METTL8: variants seen among roughly 807,000 people sequenced by gnomAD.
METTL8 encodes the protein methyltransferase 8, tRNA N3-cytidine.
Under a neutral mutation model 48.7 loss-of-function variants are expected in METTL8, and 32 were observed. That is an observed-to-expected ratio of 0.66 (90% CI 0.50 to 0.88). METTL8 has a LOEUF of 0.88. Ranked by LOEUF, METTL8 falls within the 40% of genes least tolerant of loss-of-function variation. The pLI, the probability that METTL8 is intolerant of heterozygous loss-of-function variation, is 0.00. For missense variants in METTL8, 464 were observed against 474.4 expected (o/e 0.98, Z 0.20); for synonymous variants, 136 against 157.1 (o/e 0.87, Z 1.01).
At chr2:171,370,049 CAG>C (rs1686152107) in intron 2 of METTL8, among the ~76,000 whole-genome samples, 1 of 146,732 alleles carries the variant, frequency 6.8e-6, no homozygotes, top group African/African-American at 2.5e-5. Context: ...CTGGGCAACA[CAG>C]AGAGACTCCA....
chr2:171,342,195 G>A (rs1021837500), intron 3 of METTL8, among the ~76,000 whole-genome samples: 8 of 152,004 alleles, frequency 5.3e-5, no homozygotes, highest in African/African-American at 1.9e-4. Flanking sequence ...GCCTTGTACC[G>A]TGGATCTCCA....
intron 1 of METTL8, among the ~76,000 whole-genome samples, chr2:171,402,795 G>C (rs1443336252): frequency 1.3e-5 from 2 of 151,908 alleles, no homozygotes; most frequent in Non-Finnish European, 2.9e-5. Flanking sequence ...CATGAGCCTA[G>C]AGCATCTTAT....
rs983630151 is a variant in METTL8, at chr2:171,391,904, G to A, written c.143+139C>T. The A allele has an allele frequency of 5.9e-5, 45 of 764,792 alleles. 1 individual carries two copies. The highest frequency in any genetic ancestry group is 2.0e-4 in the African/African-American group (11 of 56,402). The allele number at this position is 764,792 out of a possible 1,614,324, so 47.4% of individuals were successfully genotyped here. A position where few individuals can be genotyped will look rare whatever the true frequency, so the allele number is the denominator to read the frequency against. On this transcript the variant is annotated intron_variant, in intron 2 of 9. Coordinates refer to ENST00000375258, the MANE Select transcript of METTL8 (RefSeq NM_001321154.2). ...AATCAGCAACACTTAAGTCAGGATC[G>A]GTTACCCTAGCTTTTGGACCTCTAC...
chr2:171,404,052 C>CATATAT (rs60563600), intron 1 of METTL8, among the ~76,000 whole-genome samples: 1,756 of 43,708 alleles, frequency 0.04, 242 homozygotes, highest in Non-Finnish European at 0.048. Flanking sequence ...TATGCTTTCT[C>CATATAT]ATATATATAT....
chr2:171,402,289 C>G (rs960897472), intron 1 of METTL8, among the ~76,000 whole-genome samples: 2 of 152,056 alleles, frequency 1.3e-5, no homozygotes, highest in Non-Finnish European at 2.9e-5. Context: ...CTAAATAATT[C>G]TGGATATGAA....
intron 4 of METTL8, among the ~76,000 whole-genome samples, chr2:171,338,457 G>T (rs1054104591): frequency 6.6e-6 from 1 of 152,022 alleles, no homozygotes; most frequent in Non-Finnish European, 1.5e-5. Context: ...GGCCAACGTG[G>T]CGAAACCCTG....
At chr2:171,417,996 C>T (rs1439649379) in intron 1 of METTL8, among the ~76,000 whole-genome samples, 3 of 152,030 alleles carry the variant, frequency 2.0e-5, no homozygotes, top group South Asian at 2.1e-4. Flanking sequence ...CAGGCTGGAG[C>T]GCAGTGGCGC....
At chr2:171,361,564 G>A (rs539913320) in intron 2 of METTL8, among the ~76,000 whole-genome samples, 1 of 152,224 alleles carries the variant, frequency 6.6e-6, no homozygotes, top group South Asian at 2.1e-4. Context: ...ATCAGGTATT[G>A]TAATAAGCAC....
Position 171,320,475 on chromosome 2 carries a change from A to C in METTL8, c.*3697T>G, listed in dbSNP as rs911188397. On this transcript the variant is annotated 3_prime_UTR_variant, in exon 10 of 10. Coordinates refer to ENST00000375258, the MANE Select transcript of METTL8 (RefSeq NM_001321154.2). ...TATTTAGAACTGAGAGAGACAGTACAATTTACATGTGTGAGAATGTGAGAA... is the reference window on the plus strand; with the variant it reads ...TATTTAGAACTGAGAGAGACAGTACCATTTACATGTGTGAGAATGTGAGAA... The C allele has an allele frequency of 2.0e-5, 3 of 152,222 alleles. No individual in the cohort carries two copies. Among genetic ancestry groups the C allele is most frequent in the African/African-American group, 7.2e-5 (3 of 41,456 alleles). The allele number at this position is 152,222 out of a possible 1,614,324, so 9.4% of individuals were successfully genotyped here.
intron 1 of METTL8, among the ~76,000 whole-genome samples, chr2:171,430,494 A>C (rs1332842576): frequency 3.9e-5 from 6 of 152,008 alleles, no homozygotes. Flanking sequence ...ATATAACAAA[A>C]CTGCACGTTC....
intron 9 of METTL8, 112 bp downstream of exon 9, chr2:171,325,729 T>G (rs1380138643): frequency 1.5e-6 from 1 of 674,182 alleles, no homozygotes; most frequent in Non-Finnish European, 2.6e-6. Context: ...AGACATCTAA[T>G]GCTTAATCAA....
intron 2 of METTL8, chr2:171,375,349 G>GT (rs1686855031): frequency 4.5e-6 from 3 of 662,730 alleles, no homozygotes; most frequent in Non-Finnish European, 8.1e-6. Flanking sequence ...TAGCATAGTG[G>GT]TGAGTAAAAA....
intron 1 of METTL8, among the ~76,000 whole-genome samples, chr2:171,392,739 T>A (rs773568602): frequency 4.6e-5 from 7 of 152,124 alleles, no homozygotes; most frequent in Non-Finnish European, 8.8e-5. Context: ...ATTCTAACAA[T>A]CCTGTATACA....
At chr2:171,392,278 AG>A in intron 1 of METTL8, 81 bp from the exon 2 acceptor site, 1 of 1,179,322 alleles carries the variant, frequency 8.5e-7, no homozygotes, top group Non-Finnish European at 1.2e-6. Flanking sequence ...CTGGTTCTAA[AG>A]GTTTTCAATC....
chr2:171,356,952 A>AT lies in METTL8; in HGVS notation c.235+3469dup, dbSNP rs763021449. Among the ~76,000 whole-genome samples, 7 of 78,488 alleles carry AT rather than the reference A, an allele frequency of 8.9e-5. 1 individual carries two copies. Among genetic ancestry groups the AT allele is most frequent in the African/African-American group, 3.1e-4 (7 of 22,476 alleles). 51.5% of individuals were successfully genotyped at this position (78,488 alleles called of 152,430 possible). On this transcript the variant is annotated intron_variant, in intron 3 of 9. Transcript: ENST00000375258. ...CAAATTAGCCTTGTTCAAAGACAAT[A>AT]TTTTTTTTTTTTTTTTTGAGACAGG...
rs1385131251 is a variant in METTL8 at position 171,325,012 on chromosome 2, CTTGGGAGGCTGAG to C, written c.1034-663_1034-651del. 3.3e-5 allele frequency among the ~76,000 whole-genome samples: 5 copies of C among 150,296 alleles called. No homozygotes were observed. In the East Asian group the frequency reaches 5.9e-4, roughly 18 times the overall value. On this transcript the variant is annotated intron_variant, in intron 9 of 9. Coordinates refer to ENST00000375258, the MANE Select transcript of METTL8 (RefSeq NM_001321154.2). ...ACTTGGGAGGCTGTAATCCCAGCTA[CTTGGGAGGCTGAG>C]GTGGGAGAATCGTTTGAACCGGCGA... is the stretch of plus-strand genomic sequence containing the variant.
chr2:171,359,219 A>T (rs572812530), intron 3 of METTL8, among the ~76,000 whole-genome samples: 1 of 151,980 alleles, frequency 6.6e-6, no homozygotes, highest in East Asian at 1.9e-4. Flanking sequence ...GATATTTCTC[A>T]AAAGAAGGCA....
At chr2:171,374,109 T>C (rs1232812793) in intron 2 of METTL8, among the ~76,000 whole-genome samples, 1 of 152,226 alleles carries the variant, frequency 6.6e-6, no homozygotes, top group Non-Finnish European at 1.5e-5. Context: ...TTCCTATCCA[T>C]GAGCATGGAA....
At chr2:171,424,568 T>C (rs1692210316) in intron 1 of METTL8, among the ~76,000 whole-genome samples, 1 of 152,240 alleles carries the variant, frequency 6.6e-6, no homozygotes, top group Non-Finnish European at 1.5e-5. Context: ...ACTTTAAGGT[T>C]TAATGACTGC....
Sources: allele counts gnomAD v4.1 joint callset (sites outside exome capture counted in the v4.1 genomes callset), GRCh38; gene constraint gnomAD v4.1.1; transcripts MANE v1.5; gene names NCBI Gene and HGNC (gene_info 2026-07-23, HGNC 2026-07-21).